Variants in C12orf42 observed in about 807,000 individuals in gnomAD.
The protein encoded by C12orf42 is chromosome 12 open reading frame 42.
C12orf42 carries 25 observed loss-of-function variants against 21.6 expected under a neutral mutation model. The ratio of observed to expected loss-of-function variants is 1.16; its 90% CI spans 0.84 to 1.62. The LOEUF is 1.62. Ranked by LOEUF, C12orf42 falls within the 40% of genes most tolerant of loss-of-function variation. The pLI is 0.00. For missense variants in C12orf42, 483 were observed against 459.3 expected, an observed-to-expected ratio of 1.05 and a Z score of -0.47; for synonymous variants, 174 against 175.0, an observed-to-expected ratio of 0.99 and a Z score of 0.05.
At chr12:103,190,594 G>T in the C12orf42 span, among the ~76,000 whole-genome samples, 10 of 152,190 alleles carry the variant, frequency 6.6e-5, no homozygotes, top group African/African-American at 2.4e-4. Context: ...TGGAGCTAAA[G>T]AATGCAATAA....
the C12orf42 span, among the ~76,000 whole-genome samples, chr12:103,067,835 G>T: frequency 2.0e-5 from 3 of 152,104 alleles, no homozygotes; most frequent in Non-Finnish European, 2.9e-5. Flanking sequence ...TGTTGGTTGT[G>T]GTGATTGACC....
chr12:103,304,243 T>C (rs564545856), intron 5 of C12orf42, among the ~76,000 whole-genome samples: 24 of 152,310 alleles, frequency 1.6e-4, no homozygotes, highest in Non-Finnish European at 3.2e-4. Flanking sequence ...TTAAATTTGT[T>C]CATTCATTTA....
chr12:103,198,467 G>C, the C12orf42 span, among the ~76,000 whole-genome samples: 3 of 152,198 alleles, frequency 2.0e-5, no homozygotes, highest in Admixed American at 2.0e-4. Flanking sequence ...AGGTCCAACA[G>C]TCACCAAAGG....
At chr12:103,537,154 G>A in the C12orf42 span, among the ~76,000 whole-genome samples, 1 of 151,948 alleles carries the variant, frequency 6.6e-6, no homozygotes, top group African/African-American at 2.4e-5. Context: ...AATAATACAT[G>A]GTGTTTTTTA....
chr12:103,138,317 G>A, the C12orf42 span, among the ~76,000 whole-genome samples: 1 of 152,156 alleles, frequency 6.6e-6, no homozygotes, highest in African/African-American at 2.4e-5. Context: ...TGGATCATGA[G>A]GGCGGATTTC....
At chr12:103,132,581 C>T in the C12orf42 span, among the ~76,000 whole-genome samples, 1 of 152,308 alleles carries the variant, frequency 6.6e-6, no homozygotes, top group Non-Finnish European at 1.5e-5. Flanking sequence ...CCCACTCCCA[C>T]CAGACTGCAT....
the C12orf42 span, among the ~76,000 whole-genome samples, chr12:103,529,270 C>T: frequency 6.6e-6 from 1 of 152,152 alleles, no homozygotes; most frequent in Admixed American, 6.5e-5. Flanking sequence ...TTAATAGCTG[C>T]AAATAGTAAA....
chr12:103,386,715 C>T (rs547644595), intron 3 of C12orf42, among the ~76,000 whole-genome samples: 1 of 152,332 alleles, frequency 6.6e-6, no homozygotes, highest in East Asian at 1.9e-4. Context: ...AATTGCACTC[C>T]CTTTCCCCAG....
the C12orf42 span, among the ~76,000 whole-genome samples, chr12:103,143,535 A>G: frequency 6.6e-6 from 1 of 152,236 alleles, no homozygotes; most frequent in South Asian, 2.1e-4. Flanking sequence ...TGGGTGTCAG[A>G]AACTTGCTTC....
the C12orf42 span, among the ~76,000 whole-genome samples, chr12:103,051,992 T>A: frequency 6.6e-6 from 1 of 152,158 alleles, no homozygotes. Flanking sequence ...CTTCTTGTCC[T>A]CACTATTTGG....
chr12:103,130,468 G>A, the C12orf42 span, among the ~76,000 whole-genome samples: 1 of 152,074 alleles, frequency 6.6e-6, no homozygotes, highest in Non-Finnish European at 1.5e-5. Context: ...CCTTACAACA[G>A]CCCTTTGAAT....
the C12orf42 span, among the ~76,000 whole-genome samples, chr12:103,121,949 T>A: frequency 6.6e-6 from 1 of 152,200 alleles, no homozygotes; most frequent in Non-Finnish European, 1.5e-5. Flanking sequence ...ATGTGAAAAA[T>A]TGCCTTATCC....
the C12orf42 span, among the ~76,000 whole-genome samples, chr12:103,058,800 G>T: frequency 6.6e-6 from 1 of 152,008 alleles, no homozygotes; most frequent in East Asian, 1.9e-4. Context: ...AAAAGACAAG[G>T]TACCAGAATC....
the C12orf42 span, among the ~76,000 whole-genome samples, chr12:103,097,850 C>T: frequency 6.6e-6 from 1 of 152,198 alleles, no homozygotes; most frequent in Non-Finnish European, 1.5e-5. Context: ...GCGGATGGGA[C>T]ACAAAAGCTG....
chr12:103,128,616 G>A, the C12orf42 span, among the ~76,000 whole-genome samples: 1 of 152,130 alleles, frequency 6.6e-6, no homozygotes, highest in Admixed American at 6.5e-5. Context: ...CTTTAAAATG[G>A]GAACAACAGT....
At chr12:103,087,372 GACTCATAGAAC>G in the C12orf42 span, among the ~76,000 whole-genome samples, 1 of 152,186 alleles carries the variant, frequency 6.6e-6, no homozygotes, top group Non-Finnish European at 1.5e-5. Context: ...TAACCATCCT[GACTCATAGAAC>G]ACTAGTGAGA....
At chr12:103,297,293 T>C (rs1036461909), downstream of C12orf42, among the ~76,000 whole-genome samples, 1 of 152,190 alleles carries the variant, frequency 6.6e-6, no homozygotes, top group Non-Finnish European at 1.5e-5. Context: ...TCAGGTAGCA[T>C]GATGCCTTCA....
chr12:103,368,646 C>T (rs896496725), intron 4 of C12orf42, among the ~76,000 whole-genome samples: 8 of 152,124 alleles, frequency 5.3e-5, no homozygotes, highest in South Asian at 2.1e-4. Flanking sequence ...GTGAAGACAA[C>T]GGGGAAATTA....
At chr12:103,341,775 T>C (rs2042191681) in intron 4 of C12orf42, among the ~76,000 whole-genome samples, 1 of 152,058 alleles carries the variant, frequency 6.6e-6, no homozygotes, top group South Asian at 2.1e-4. Flanking sequence ...AGTATTAAAG[T>C]AAAAACATAG....
Sources: allele counts gnomAD v4.1 joint callset (sites outside exome capture counted in the v4.1 genomes callset), GRCh38; gene constraint gnomAD v4.1.1; transcripts MANE v1.5; gene names NCBI Gene and HGNC (gene_info 2026-07-23, HGNC 2026-07-21).